TNNI1: variants seen among roughly 807,000 people sequenced by gnomAD.
TNNI1 encodes troponin I, slow skeletal muscle.
A neutral mutation model predicts 26.7 loss-of-function variants in TNNI1; 14 were observed. The ratio of observed to expected loss-of-function variants is 0.52; its 90% CI spans 0.35 to 0.82. The LOEUF (loss-of-function observed/expected upper bound fraction) is 0.82, where lower values mean the gene tolerates loss of function less well. Ranked by LOEUF, TNNI1 falls within the 40% of genes least tolerant of loss-of-function variation. TNNI1 has a pLI of 0.01. For missense variants in TNNI1, 164 were observed against 257.0 expected, an observed-to-expected ratio of 0.64 and a Z score of 2.47; for synonymous variants, 79 against 98.2, an observed-to-expected ratio of 0.80 and a Z score of 1.16.
intron 5 of TNNI1, among the ~76,000 whole-genome samples, chr1:201,414,176 C>A (rs1290229698): frequency 6.6e-6 from 1 of 152,216 alleles, no homozygotes; most frequent in Non-Finnish European, 1.5e-5. Context: ...AGACCAAATT[C>A]TAGGAAAGGG....
chr1:201,420,203 C>T, intron 1 of TNNI1, among the ~76,000 whole-genome samples: 1 of 152,260 alleles, frequency 6.6e-6, no homozygotes, highest in South Asian at 2.1e-4. Flanking sequence ...CCGGGGCCTG[C>T]CCCCAGCCTG....
chr1:201,418,871 A>G (rs1236317656), intron 1 of TNNI1, among the ~76,000 whole-genome samples: 2 of 152,110 alleles, frequency 1.3e-5, no homozygotes, highest in Admixed American at 6.5e-5. Flanking sequence ...ATAATATTTA[A>G]TTAATATTAT....
intron 1 of TNNI1, among the ~76,000 whole-genome samples, chr1:201,419,499 G>A (rs1662819170): frequency 6.6e-6 from 1 of 152,214 alleles, no homozygotes; most frequent in South Asian, 2.1e-4. Context: ...GTGTGGAGTG[G>A]GCAGGCATGG....
chr1:201,419,587 G>A (rs1362746962), intron 1 of TNNI1, among the ~76,000 whole-genome samples: 1 of 152,190 alleles, frequency 6.6e-6, no homozygotes, highest in Non-Finnish European at 1.5e-5. Flanking sequence ...AAAGACACTT[G>A]TAAAGTGCCT....
chr1:201,415,098 C>T, intron 4 of TNNI1, 115 bp downstream of exon 4: 2 of 962,894 alleles, frequency 2.1e-6, no homozygotes, highest in African/African-American at 1.6e-5. Context: ...TCATCATCCT[C>T]ACTCTGGCCT....
At chr1:201,412,971 T>G in intron 6 of TNNI1, 61 bp downstream of exon 6, 1 of 1,536,724 alleles carries the variant, frequency 6.5e-7, no homozygotes, top group East Asian at 2.3e-5. Context: ...GGCTGCTGCA[T>G]CCGTGCCCAT....
intron 1 of TNNI1, among the ~76,000 whole-genome samples, 179 bp downstream of exon 1, chr1:201,421,494 C>A (rs1433679053): frequency 6.6e-6 from 1 of 152,196 alleles, no homozygotes; most frequent in Non-Finnish European, 1.5e-5. Flanking sequence ...AGGAGAGATG[C>A]CATTCTGTGG....
At chr1:201,415,965 G>A (rs557803600) in intron 3 of TNNI1, among the ~76,000 whole-genome samples, 1 of 152,274 alleles carries the variant, frequency 6.6e-6, no homozygotes, top group South Asian at 2.1e-4. Flanking sequence ...TGCCTTTCGA[G>A]CACTAGAGTA....
At position 201,413,129 on chromosome 1, in the gene TNNI1, C is replaced by T. The variant is rs1219854525; in HGVS notation, c.190-8G>A. On this transcript the variant is annotated splice_polypyrimidine_tract_variant and splice_region_variant and intron_variant, in intron 5 of 8. Coordinates refer to ENST00000361379, the MANE Select transcript of TNNI1 (RefSeq NM_003281.4). ...CAGCTCCCGGCACAGGTCCTGGGGG[C>T]CGCAGATGGATCATGCAGGTGTGAA... The T allele has an allele frequency of 1.2e-6, 2 of 1,613,844 alleles. No individual in the cohort carries two copies. The highest frequency in any genetic ancestry group is 1.7e-5 in the Admixed American group (1 of 60,026).
rs1662485107 is a variant in TNNI1 at position 201,404,807 on chromosome 1, G to C, written c.*4446C>G. ...GACACACAGGTGTCTGTGACACTCAGGGCGGGCAGACAGGTCATCACCCTG... is the reference window on the plus strand; with the variant it reads ...GACACACAGGTGTCTGTGACACTCACGGCGGGCAGACAGGTCATCACCCTG... On this transcript the variant is annotated 3_prime_UTR_variant, in exon 9 of 9. Transcript: ENST00000361379. 1 of 152,310 alleles carries C rather than the reference G, an allele frequency of 6.6e-6. No homozygotes were observed. Among genetic ancestry groups the C allele is most frequent in the African/African-American group, 2.4e-5 (1 of 41,472 alleles). 9.4% of individuals were successfully genotyped at this position (152,310 alleles called of 1,614,324 possible).
rs1349213590 is a variant in TNNI1 at position 201,405,659 on chromosome 1, G to C, written c.*3594C>G. On this transcript the variant is annotated 3_prime_UTR_variant, in exon 9 of 9. Transcript: ENST00000361379. ...CCAGCAGCCCTTAGCGCTGGGCCCT[G>C]CCCTGATCATGCCTGCTGCTGAGTG... 1 of 152,722 alleles carries C rather than the reference G, an allele frequency of 6.5e-6. No homozygotes were observed. Among genetic ancestry groups the C allele is most frequent in the African/African-American group, 2.4e-5 (1 of 41,462 alleles). The allele number at this position is 152,722 out of a possible 1,614,324, so 9.5% of individuals were successfully genotyped here.
rs1386852621 is a variant in TNNI1, at chr1:201,404,988, G to A, written c.*4265C>T. 6.6e-6 allele frequency: 1 copy of A among 152,436 alleles called. No homozygotes were observed. The highest frequency in any genetic ancestry group is 6.5e-5 in the Admixed American group (1 of 15,310). 9.4% of individuals were successfully genotyped at this position (152,436 alleles called of 1,614,324 possible). Reference sequence around the variant, plus strand: ...ACCTCTCTCCTGAACCCAGGGCAAAGGGCCAGGCTCACCCAGCCTGTGCCA... The same window carrying A: ...ACCTCTCTCCTGAACCCAGGGCAAAAGGCCAGGCTCACCCAGCCTGTGCCA... On this transcript the variant is annotated 3_prime_UTR_variant, in exon 9 of 9. Transcript: ENST00000361379.
chr1:201,416,982 A>T, intron 3 of TNNI1, 134 bp downstream of exon 3: 1 of 1,055,670 alleles, frequency 9.5e-7, no homozygotes, highest in Non-Finnish European at 1.5e-6. Flanking sequence ...TCAGCCACTA[A>T]ATACCCTACA....
Position 201,404,179 on chromosome 1 carries a change from C to A in TNNI1, c.*5074G>T, listed in dbSNP as rs1431039846. 1 of 152,118 alleles carries A rather than the reference C, an allele frequency of 6.6e-6. No individual in the cohort carries two copies. Among genetic ancestry groups the A allele is most frequent in the Non-Finnish European group, 1.5e-5 (1 of 68,024 alleles). The allele number at this position is 152,118 out of a possible 1,614,324, so 9.4% of individuals were successfully genotyped here. ...CCCCTCCCTCGAGGTTCTGAGGAGC[C>A]TCAGAACAGACGTTCAACCTCTGGA... On this transcript the variant is annotated 3_prime_UTR_variant, in exon 9 of 9. Transcript: ENST00000361379.
chr1:201,415,749 A>C (rs1379538013), intron 3 of TNNI1, among the ~76,000 whole-genome samples: 3 of 152,174 alleles, frequency 2.0e-5, no homozygotes, highest in Non-Finnish European at 4.4e-5. Flanking sequence ...AAATAAATGA[A>C]ACGTATCTAT....
chr1:201,414,659 A>G lies in TNNI1; in HGVS notation c.58-10T>C. ...TGGCCAGCATCAGGCTCTGGACAGG[A>G]CACACCTGCTGAGCTGGGGGCCTCA... is the stretch of plus-strand genomic sequence containing the variant. On this transcript the variant is annotated splice_polypyrimidine_tract_variant and intron_variant, in intron 4 of 8. Transcript: ENST00000361379. The G allele has an allele frequency of 6.2e-7, 1 of 1,611,500 alleles. No homozygotes were observed. The highest frequency in any genetic ancestry group is 8.5e-7 in the Non-Finnish European group (1 of 1,178,736).
At chr1:201,421,307 G>A (rs1662852739) in intron 1 of TNNI1, among the ~76,000 whole-genome samples, 1 of 151,936 alleles carries the variant, frequency 6.6e-6, no homozygotes, top group African/African-American at 2.4e-5. Flanking sequence ...CTGATCCCAG[G>A]GCCACCCCTT....
chr1:201,416,976 C>A lies in TNNI1; in HGVS notation c.15+140G>T. 5 of 964,304 alleles carry A rather than the reference C, an allele frequency of 5.2e-6. No homozygotes were observed. In the South Asian group the frequency reaches 6.9e-5, roughly 13 times the overall value. 59.7% of individuals were successfully genotyped at this position (964,304 alleles called of 1,614,324 possible). On this transcript the variant is annotated intron_variant, in intron 3 of 8. Transcript: ENST00000361379. The stretch of plus-strand genomic sequence containing the variant: ...TTCCATCTCCTGGGAATTTGTTCAG[C>A]CACTAAATACCCTACACCCCCTGGA...
intron 6 of TNNI1, 115 bp downstream of exon 6, chr1:201,412,917 A>T (rs2102370705): frequency 2.0e-6 from 2 of 1,011,586 alleles, no homozygotes; most frequent in Non-Finnish European, 3.1e-6. Context: ...TTTCCTGCTT[A>T]AGTGGCCCCT....
Sources: gnomAD v4.1 joint callset for allele counts (sites outside exome capture counted in the v4.1 genomes callset) on GRCh38, gnomAD v4.1.1 for gene constraint, MANE v1.5 for transcripts, NCBI Gene and HGNC (gene_info 2026-07-23, HGNC 2026-07-21) for gene names.